TAS2R1: variants seen among roughly 807,000 people sequenced by gnomAD.
TAS2R1 encodes the protein taste receptor type 2 member 1.
For missense variants in TAS2R1, 370 were observed against 353.4 expected (o/e 1.05, Z -0.38); for synonymous variants, 141 against 134.2 (o/e 1.05, Z -0.35).
At chr5:9,720,670 A>G in the TAS2R1 span, among the ~76,000 whole-genome samples, 3 of 152,164 alleles carry the variant, frequency 2.0e-5, no homozygotes, top group Admixed American at 2.0e-4. Context: ...AACTGTTTCA[A>G]CCTTCCCTGG....
upstream of TAS2R1, among the ~76,000 whole-genome samples, chr5:9,633,641 C>G (rs182443660): frequency 1.1e-3 from 173 of 152,114 alleles, no homozygotes; most frequent in Non-Finnish European, 1.1e-3. Flanking sequence ...TGTGGCCATT[C>G]TTGCAGGAGT....
At chr5:9,640,497 T>TA (rs56140715) in intron 2 of TAS2R1, among the ~76,000 whole-genome samples, 9,087 of 58,734 alleles carry the variant, frequency 0.15, 1,293 homozygotes, top group African/African-American at 0.21. Context: ...TTCAATTCCT[T>TA]AAAAAAAAAA....
At chr5:9,837,044 T>C in the TAS2R1 span, among the ~76,000 whole-genome samples, 1 of 152,124 alleles carries the variant, frequency 6.6e-6, no homozygotes. Flanking sequence ...CTGGCTGAAA[T>C]TGGAACTCAA....
chr5:9,696,143 T>A (rs898274008), intron 1 of TAS2R1, among the ~76,000 whole-genome samples: 20 of 152,052 alleles, frequency 1.3e-4, no homozygotes, highest in Middle Eastern at 3.2e-3. Context: ...CAAAAAAAAA[T>A]TTTAGTATTA....
chr5:9,633,313 T>TATATATATATATATATATATATATATAG (rs1254101852), upstream of TAS2R1, among the ~76,000 whole-genome samples: 1 of 128,990 alleles, frequency 7.8e-6, no homozygotes, highest in Non-Finnish European at 1.6e-5. Flanking sequence ...TATATATATA[T>TATATATATATATATATATATATATATAG]ATATATACAC....
chr5:9,796,039 A>G, the TAS2R1 span, among the ~76,000 whole-genome samples: 28 of 152,332 alleles, frequency 1.8e-4, 1 homozygote, highest in East Asian at 3.9e-3. Flanking sequence ...ACCCCAATGA[A>G]GATGGCAGGA....
chr5:9,696,654 A>G (rs1158406775), intron 1 of TAS2R1, among the ~76,000 whole-genome samples: 3 of 152,226 alleles, frequency 2.0e-5, no homozygotes, highest in Non-Finnish European at 4.4e-5. Context: ...AATCAGAGGG[A>G]CATTCATGCT....
the TAS2R1 span, among the ~76,000 whole-genome samples, chr5:9,727,747 C>G: frequency 6.6e-6 from 1 of 152,172 alleles, no homozygotes. Flanking sequence ...AACGAAGCTG[C>G]AAGAGCCAGA....
intron 1 of TAS2R1, among the ~76,000 whole-genome samples, chr5:9,695,658 T>C (rs1741341849): frequency 6.6e-6 from 1 of 152,134 alleles, no homozygotes; most frequent in East Asian, 1.9e-4. Flanking sequence ...TCCACGACTC[T>C]ACCCCTGAGG....
In TAS2R1 at chr5:9,638,666, G is replaced by T. The variant is rs1429666256; in HGVS notation, c.-80-8674C>A. 2.0e-5 allele frequency among the ~76,000 whole-genome samples: 3 copies of T among 152,148 alleles called. No homozygotes were observed. The East Asian group carries it at 5.8e-4, about 29-fold the overall frequency. On this transcript the variant is annotated intron_variant, in intron 2 of 2. Coordinates refer to the TAS2R1 transcript ENST00000506620. ...ATTATTTTGGTTTCTCATGTGATGT[G>T]TGGGGCCATAAAGCTCCCAAGAATT...
chr5:9,670,645 A>G (rs927827301), intron 1 of TAS2R1, among the ~76,000 whole-genome samples: 1 of 152,172 alleles, frequency 6.6e-6, no homozygotes, highest in African/African-American at 2.4e-5. Context: ...TGAAGCAGTA[A>G]TAAAAAGCCT....
chr5:9,791,629 G>A, the TAS2R1 span, among the ~76,000 whole-genome samples: 14 of 152,156 alleles, frequency 9.2e-5, no homozygotes, highest in Middle Eastern at 6.3e-3. Context: ...AACCCAGGAG[G>A]TGGAGGTTGC....
At chr5:9,640,047 G>A (rs1427040711) in intron 2 of TAS2R1, among the ~76,000 whole-genome samples, 1 of 152,078 alleles carries the variant, frequency 6.6e-6, no homozygotes, top group Non-Finnish European at 1.5e-5. Context: ...CTCTCAACAT[G>A]CCTTTCTCAC....
the TAS2R1 span, among the ~76,000 whole-genome samples, chr5:9,840,879 T>A: frequency 0.35 from 31,969 of 91,678 alleles, 4,441 homozygotes; most frequent in African/African-American, 0.41. Flanking sequence ...TTTTTTTTTT[T>A]TTTTTTTTTT....
chr5:9,755,587 C>CAAAAAAAAA, the TAS2R1 span, among the ~76,000 whole-genome samples: 3 of 94,820 alleles, frequency 3.2e-5, no homozygotes, highest in Non-Finnish European at 2.1e-5. Flanking sequence ...ACTCCATCTC[C>CAAAAAAAAA]AAAAAAAAAA....
chr5:9,699,227 T>G (rs1741425831), intron 1 of TAS2R1, among the ~76,000 whole-genome samples: 1 of 152,236 alleles, frequency 6.6e-6, no homozygotes, highest in Non-Finnish European at 1.5e-5. Flanking sequence ...ATCTATTTCA[T>G]GTAAACATGC....
At chr5:9,892,005 G>T in the TAS2R1 span, among the ~76,000 whole-genome samples, 1 of 152,024 alleles carries the variant, frequency 6.6e-6, no homozygotes, top group African/African-American at 2.4e-5. Flanking sequence ...CCCACCTTAG[G>T]TTCTGCTCTT....
At chr5:9,836,806 G>A in the TAS2R1 span, among the ~76,000 whole-genome samples, 4 of 152,152 alleles carry the variant, frequency 2.6e-5, no homozygotes, top group Non-Finnish European at 2.9e-5. Context: ...GTGACTGGGA[G>A]GACAAGGCTT....
At chr5:9,673,321 T>G (rs1210951103) in intron 1 of TAS2R1, among the ~76,000 whole-genome samples, 1 of 152,172 alleles carries the variant, frequency 6.6e-6, no homozygotes, top group Non-Finnish European at 1.5e-5. Context: ...AATAAAATGT[T>G]TAGGCTTAAG....
Sources: gnomAD v4.1 joint callset for allele counts (sites outside exome capture counted in the v4.1 genomes callset) on GRCh38, gnomAD v4.1.1 for gene constraint, MANE v1.5 for transcripts, NCBI Gene and HGNC (gene_info 2026-07-23, HGNC 2026-07-21) for gene names.